The following GUCY1A2 variants were observed in gnomAD, a reference collection of about 807,000 sequenced individuals.
The protein encoded by GUCY1A2 is guanylate cyclase 1 soluble subunit alpha 2.
A neutral mutation model predicts 63.5 loss-of-function variants in GUCY1A2; 27 were observed. That is an observed-to-expected ratio of 0.43 (90% confidence interval 0.31 to 0.59). The LOEUF (loss-of-function observed/expected upper bound fraction) is 0.59. Ranked by LOEUF, GUCY1A2 falls within the 20% of genes least tolerant of loss-of-function variation. GUCY1A2 has a pLI of 0.11. For missense variants in GUCY1A2, 768 were observed against 913.3 expected (o/e 0.84, Z 2.05); for synonymous variants, 364 against 343.5 (o/e 1.06, Z -0.66).
At chr11:106,924,325 T>C (rs1012334903) in intron 4 of GUCY1A2, among the ~76,000 whole-genome samples, 3 of 152,230 alleles carry the variant, frequency 2.0e-5, no homozygotes, top group African/African-American at 7.2e-5. Context: ...GCATTAATCA[T>C]GATCTCTACA....
intron 6 of GUCY1A2, among the ~76,000 whole-genome samples, chr11:106,709,706 A>ATAGT (rs1190239470): frequency 1.5e-3 from 94 of 62,394 alleles, no homozygotes; most frequent in African/African-American, 2.2e-3. Flanking sequence ...TATAGAATAT[A>ATAGT]TAGTTATATA....
chr11:106,903,118 T>C (rs546686406), intron 4 of GUCY1A2, among the ~76,000 whole-genome samples: 2 of 147,448 alleles, frequency 1.4e-5, no homozygotes, highest in Non-Finnish European at 3.1e-5. Flanking sequence ...ATAAAATAAA[T>C]ATGTAAAATC....
At chr11:106,970,803 A>C (rs1771346820) in intron 3 of GUCY1A2, among the ~76,000 whole-genome samples, 1 of 151,492 alleles carries the variant, frequency 6.6e-6, no homozygotes, top group Non-Finnish European at 1.5e-5. Flanking sequence ...TAATAACCAA[A>C]CATGTAAGGA....
At chr11:106,991,228 C>T (rs1861466807) in intron 1 of GUCY1A2, among the ~76,000 whole-genome samples, 1 of 151,938 alleles carries the variant, frequency 6.6e-6, no homozygotes, top group African/African-American at 2.4e-5. Context: ...AAACTCCTGA[C>T]CTTAAGTGAT....
chr11:106,787,601 A>AGGGGG (rs1218732078), intron 5 of GUCY1A2, among the ~76,000 whole-genome samples: 2 of 82,148 alleles, frequency 2.4e-5, no homozygotes, highest in Admixed American at 1.4e-4. Context: ...AGGGAAGGGA[A>AGGGGG]AAAGAGAAAG....
At chr11:106,784,205 G>T (rs1864516094) in intron 5 of GUCY1A2, among the ~76,000 whole-genome samples, 2 of 152,130 alleles carry the variant, frequency 1.3e-5, no homozygotes, top group Middle Eastern at 3.4e-3. Context: ...TTGAGAAAAT[G>T]GCACACTCCT....
chr11:106,971,698 T>C (rs1052417851), intron 3 of GUCY1A2, among the ~76,000 whole-genome samples: 3 of 152,194 alleles, frequency 2.0e-5, no homozygotes, highest in Middle Eastern at 3.4e-3. Context: ...TGGGCATATA[T>C]ATATGAGTTA....
chr11:106,863,132 T>G (rs1859537652), intron 4 of GUCY1A2, among the ~76,000 whole-genome samples: 1 of 152,122 alleles, frequency 6.6e-6, no homozygotes, highest in African/African-American at 2.4e-5. Flanking sequence ...GTGCAGAAGC[T>G]CTTTAGTTTA....
intron 4 of GUCY1A2, among the ~76,000 whole-genome samples, chr11:106,894,673 T>C (rs1860021410): frequency 6.6e-6 from 1 of 152,046 alleles, no homozygotes; most frequent in African/African-American, 2.4e-5. Context: ...ATAACCTATG[T>C]CAAAAAAGAA....
intron 4 of GUCY1A2, among the ~76,000 whole-genome samples, chr11:106,869,072 TG>T (rs1859636736): frequency 1.3e-5 from 2 of 152,226 alleles, no homozygotes; most frequent in Non-Finnish European, 2.9e-5. Flanking sequence ...AAGCTGAAAC[TG>T]GATCCCTTCT....
intron 7 of GUCY1A2, among the ~76,000 whole-genome samples, chr11:106,690,111 G>C (rs1426748576): frequency 6.6e-6 from 1 of 152,160 alleles, no homozygotes; most frequent in African/African-American, 2.4e-5. Context: ...AGACAGTGTG[G>C]AGATTCCTCA....
At chr11:106,825,535 T>C (rs572291851) in intron 4 of GUCY1A2, among the ~76,000 whole-genome samples, 4 of 151,822 alleles carry the variant, frequency 2.6e-5, no homozygotes, top group Non-Finnish European at 5.9e-5. Context: ...GTCCATATAA[T>C]TGTCTTAAGT....
At chr11:106,839,184 T>G (rs1859160716) in intron 4 of GUCY1A2, among the ~76,000 whole-genome samples, 1 of 152,038 alleles carries the variant, frequency 6.6e-6, no homozygotes, top group African/African-American at 2.4e-5. Context: ...AGTTTCAGCT[T>G]TCTACATATG....
At chr11:106,838,092 A>G (rs919069990) in intron 4 of GUCY1A2, among the ~76,000 whole-genome samples, 13 of 151,832 alleles carry the variant, frequency 8.6e-5, no homozygotes, top group African/African-American at 2.4e-4. Context: ...TGCTTTCCCA[A>G]TGTCACCTCC....
intron 6 of GUCY1A2, among the ~76,000 whole-genome samples, chr11:106,717,812 T>A (rs1863241452): frequency 6.6e-6 from 1 of 152,206 alleles, no homozygotes; most frequent in Non-Finnish European, 1.5e-5. Context: ...AATACTCCTT[T>A]AATAAAATTA....
chr11:106,759,382 T>C lies in GUCY1A2; in HGVS notation c.1836+17057A>G, dbSNP rs76408392. Among the ~76,000 whole-genome samples, 58 of 152,240 alleles carry C rather than the reference T, an allele frequency of 3.8e-4. 1 individual carries two copies. In the East Asian group the frequency reaches 0.011, roughly 29 times the overall value. On this transcript the variant is annotated intron_variant, in intron 6 of 7. Coordinates refer to ENST00000526355, the MANE Select transcript of GUCY1A2 (RefSeq NM_000855.3). Reference sequence around the variant, plus strand: ...TGTATGATGGAAGACAAGAATAAAATTAGAAGGGTGATAGGAGCCATGTTG... The same window carrying C: ...TGTATGATGGAAGACAAGAATAAAACTAGAAGGGTGATAGGAGCCATGTTG...
intron 3 of GUCY1A2, among the ~76,000 whole-genome samples, chr11:106,953,088 G>A (rs1860932965): frequency 2.6e-5 from 4 of 152,148 alleles, no homozygotes; most frequent in Admixed American, 2.0e-4. Context: ...TGGTGAGAGA[G>A]GGCATCCTTG....
At chr11:106,887,423 C>A (rs1859914871) in intron 4 of GUCY1A2, among the ~76,000 whole-genome samples, 1 of 152,124 alleles carries the variant, frequency 6.6e-6, no homozygotes, top group Non-Finnish European at 1.5e-5. Flanking sequence ...ACTTACATGG[C>A]CTCTAAATTT....
intron 4 of GUCY1A2, among the ~76,000 whole-genome samples, chr11:106,916,383 T>C (rs1353913929): frequency 1.4e-5 from 2 of 145,456 alleles, no homozygotes; most frequent in African/African-American, 4.9e-5. Context: ...CTAATCCACA[T>C]TGATAAAATC....
Sources: allele counts gnomAD v4.1 joint callset (sites outside exome capture counted in the v4.1 genomes callset), GRCh38; gene constraint gnomAD v4.1.1; transcripts MANE v1.5; gene names NCBI Gene and HGNC (gene_info 2026-07-23, HGNC 2026-07-21).